CDKAL1: variants seen among roughly 807,000 people sequenced by gnomAD.
CDKAL1 encodes the protein threonylcarbamoyladenosine tRNA methylthiotransferase.
CDKAL1 carries 32 observed loss-of-function variants against 68.2 expected under a neutral mutation model. That is an observed-to-expected ratio of 0.47 (90% CI 0.35 to 0.63). The LOEUF (loss-of-function observed/expected upper bound fraction) is 0.63. Among genes scored for constraint, CDKAL1 ranks in the 30% least tolerant of loss-of-function variants. The probability of loss-of-function intolerance (pLI) is 0.00; values close to 1 mark genes in which losing one functional copy is unlikely to be tolerated. For synonymous variants in CDKAL1, 234 were observed against 244.3 expected, an observed-to-expected ratio of 0.96 and a Z score of 0.39; for missense variants, 606 against 696.7, an observed-to-expected ratio of 0.87 and a Z score of 1.47.
intron 9 of CDKAL1, among the ~76,000 whole-genome samples, chr6:20,886,242 G>T (rs1761061795): frequency 6.6e-6 from 1 of 152,186 alleles, no homozygotes; most frequent in African/African-American, 2.4e-5. Flanking sequence ...ACTAAGTGTT[G>T]GTGAGGATGT....
intron 11 of CDKAL1, among the ~76,000 whole-genome samples, chr6:21,043,907 TTTC>T (rs1380682963): frequency 2.6e-4 from 39 of 152,186 alleles, no homozygotes; most frequent in African/African-American, 8.2e-4. Context: ...CCACCCCAGT[TTTC>T]TTCATTTGCT....
chr6:20,619,444 CA>C (rs1207065337), intron 4 of CDKAL1, among the ~76,000 whole-genome samples: 1 of 152,080 alleles, frequency 6.6e-6, no homozygotes, highest in Non-Finnish European at 1.5e-5. Flanking sequence ...AGTCATTCTG[CA>C]ATGTATATAG....
chr6:20,883,361 G>A (rs751568740), intron 9 of CDKAL1, among the ~76,000 whole-genome samples: 1 of 152,262 alleles, frequency 6.6e-6, no homozygotes, highest in Non-Finnish European at 1.5e-5. Flanking sequence ...CATATGGTAG[G>A]CAAAACCTAA....
At chr6:20,674,346 T>G (rs1431909752) in intron 5 of CDKAL1, among the ~76,000 whole-genome samples, 1 of 152,242 alleles carries the variant, frequency 6.6e-6, no homozygotes, top group Non-Finnish European at 1.5e-5. Context: ...TTGACTTTAG[T>G]ACGTCCCCCA....
intron 10 of CDKAL1, among the ~76,000 whole-genome samples, chr6:20,985,213 T>A (rs1436103974): frequency 6.6e-6 from 1 of 152,246 alleles, no homozygotes; most frequent in Non-Finnish European, 1.5e-5. Context: ...CTTTACGTGT[T>A]CATCATTGCT....
chr6:21,230,028 G>C (rs1192254898), intron 15 of CDKAL1, among the ~76,000 whole-genome samples: 14 of 152,210 alleles, frequency 9.2e-5, no homozygotes, highest in Non-Finnish European at 2.9e-5. Flanking sequence ...TGGCACACAA[G>C]GTACTTTGAG....
chr6:21,062,257 T>A (rs1007913535), intron 11 of CDKAL1, among the ~76,000 whole-genome samples: 2 of 152,222 alleles, frequency 1.3e-5, no homozygotes, highest in African/African-American at 4.8e-5. Context: ...GATTTATTTT[T>A]AAAAATTTTC....
At chr6:20,661,094 A>G (rs1255625727) in intron 5 of CDKAL1, among the ~76,000 whole-genome samples, 1 of 152,136 alleles carries the variant, frequency 6.6e-6, no homozygotes, top group African/African-American at 2.4e-5. Flanking sequence ...TTATTGACTG[A>G]GGTATCCTTG....
At chr6:20,913,997 G>A (rs1444413979) in intron 9 of CDKAL1, among the ~76,000 whole-genome samples, 1 of 151,454 alleles carries the variant, frequency 6.6e-6, no homozygotes, top group Non-Finnish European at 1.5e-5. Context: ...TCTCTTAAAA[G>A]AAAAACAACA....
chr6:21,009,923 G>A (rs1291547074), intron 11 of CDKAL1, among the ~76,000 whole-genome samples: 4 of 152,112 alleles, frequency 2.6e-5, no homozygotes, highest in East Asian at 1.9e-4. Flanking sequence ...TCTAGTGTTT[G>A]GTAGCACAGT....
At chr6:21,000,893 A>C (rs1052232726) in intron 11 of CDKAL1, among the ~76,000 whole-genome samples, 1 of 152,228 alleles carries the variant, frequency 6.6e-6, no homozygotes, top group African/African-American at 2.4e-5. Flanking sequence ...CTACTTTTTA[A>C]AGTTCAAATT....
chr6:20,785,185 A>G (rs141866006), intron 8 of CDKAL1, among the ~76,000 whole-genome samples: 41 of 152,260 alleles, frequency 2.7e-4, no homozygotes, highest in African/African-American at 9.6e-4. Flanking sequence ...ATGGGTTTCT[A>G]ATTTTCTCAG....
chr6:20,899,973 T>C (rs1761883798), intron 9 of CDKAL1, among the ~76,000 whole-genome samples: 1 of 152,226 alleles, frequency 6.6e-6, no homozygotes, highest in South Asian at 2.1e-4. Context: ...AATGTTTACT[T>C]TTATGACCAT....
rs115231236 is a variant in CDKAL1 at position 20,879,148 on chromosome 6, G to A, written c.742+32970G>A. On this transcript the variant is annotated intron_variant, in intron 9 of 15. Coordinates refer to ENST00000274695, the MANE Select transcript of CDKAL1 (RefSeq NM_017774.3). ...TCCCCATTGGTGATTGTACCAAAAG[G>A]ATATAGAAATACCTGCCTAGTCCCT... is the stretch of plus-strand genomic sequence containing the variant. Among the ~76,000 whole-genome samples, 626 of 152,042 alleles carry A rather than the reference G, an allele frequency of 4.1e-3. 5 individuals carry two copies. The highest frequency in any genetic ancestry group is 0.014 in the African/African-American group (598 of 41,488).
chr6:20,897,637 G>A (rs1364612344), intron 9 of CDKAL1, among the ~76,000 whole-genome samples: 2 of 151,832 alleles, frequency 1.3e-5, no homozygotes, highest in Non-Finnish European at 2.9e-5. Context: ...TTTTAGTAAG[G>A]GACTACAACA....
intron 11 of CDKAL1, among the ~76,000 whole-genome samples, chr6:21,010,426 C>G (rs1305966942): frequency 6.6e-6 from 1 of 152,162 alleles, no homozygotes; most frequent in Non-Finnish European, 1.5e-5. Flanking sequence ...AAATCTCTAG[C>G]TTAAACTCCT....
intron 9 of CDKAL1, among the ~76,000 whole-genome samples, chr6:20,888,459 T>C (rs1361179704): frequency 1.3e-5 from 2 of 150,236 alleles, no homozygotes; most frequent in African/African-American, 2.5e-5. Flanking sequence ...CATGTTGGTG[T>C]ACTGAACCCA....
chr6:20,633,019 C>G (rs1445976166), intron 4 of CDKAL1, among the ~76,000 whole-genome samples: 1 of 152,130 alleles, frequency 6.6e-6, no homozygotes, highest in Non-Finnish European at 1.5e-5. Flanking sequence ...TGGTGTGGCT[C>G]CAGCTTACCT....
At chr6:21,147,304 T>C (rs1776224475) in intron 13 of CDKAL1, among the ~76,000 whole-genome samples, 1 of 152,246 alleles carries the variant, frequency 6.6e-6, no homozygotes, top group Admixed American at 6.5e-5. Context: ...TATTAGTATG[T>C]TGCTTTTTAC....
Sources: gnomAD v4.1 joint callset for allele counts (sites outside exome capture counted in the v4.1 genomes callset) on GRCh38, gnomAD v4.1.1 for gene constraint, MANE v1.5 for transcripts, NCBI Gene and HGNC (gene_info 2026-07-23, HGNC 2026-07-21) for gene names.